Variants in AGMO observed in about 807,000 individuals in gnomAD.
AGMO encodes glyceryl-ether monooxygenase.
Under a neutral mutation model 60.2 loss-of-function variants are expected in AGMO, and 75 were observed. The ratio of observed to expected loss-of-function variants is 1.25; its 90% CI spans 1.03 to 1.51. The LOEUF is 1.51. Among genes scored for constraint, AGMO ranks in the 40% most tolerant of loss-of-function variants. The pLI, the probability that AGMO is intolerant of heterozygous loss-of-function variation, is 0.00. For missense variants in AGMO, 763 were observed against 525.5 expected (o/e 1.45, Z -4.42); for synonymous variants, 261 against 177.1 (o/e 1.47, Z -3.76).
chr7:15,349,013 T>C (rs1032761404), intron 12 of AGMO, among the ~76,000 whole-genome samples: 1 of 151,916 alleles, frequency 6.6e-6, no homozygotes, highest in African/African-American at 2.4e-5. Context: ...GTGATTCACA[T>C]TGTGACTTAT....
chr7:15,280,102 G>A (rs866009629), intron 12 of AGMO, among the ~76,000 whole-genome samples: 1 of 152,138 alleles, frequency 6.6e-6, no homozygotes, highest in Admixed American at 6.5e-5. Flanking sequence ...CTGTAGCCAC[G>A]AGCACAGAAA....
At chr7:15,205,090 C>T (rs976506769) in intron 12 of AGMO, among the ~76,000 whole-genome samples, 1 of 152,154 alleles carries the variant, frequency 6.6e-6, no homozygotes, top group Non-Finnish European at 1.5e-5. Context: ...TTGTTGCATG[C>T]TCTCAAATTG....
Position 15,248,197 on chromosome 7 carries a change from T to C in AGMO, c.1264-46838A>G, listed in dbSNP as rs1288069637. 4.4e-3 allele frequency among the ~76,000 whole-genome samples: 361 copies of C among 82,588 alleles called. 12 individuals carry two copies. Among genetic ancestry groups the C allele is most frequent in the African/African-American group, 0.016 (307 of 19,286 alleles). 54.2% of individuals were successfully genotyped at this position (82,588 alleles called of 152,430 possible). The stretch of plus-strand genomic sequence containing the variant: ...CCAGCACCATATATATATATATATA[T>C]ATATATATATATATATATATATATA... On this transcript the variant is annotated intron_variant, in intron 12 of 12. Transcript: ENST00000342526.
chr7:15,442,522 C>G (rs1476917384), intron 3 of AGMO, among the ~76,000 whole-genome samples: 1 of 152,128 alleles, frequency 6.6e-6, no homozygotes, highest in Non-Finnish European at 1.5e-5. Context: ...AACCTTGACC[C>G]TTGAATGACA....
At chr7:15,145,353 G>A in the AGMO span, among the ~76,000 whole-genome samples, 155 of 152,016 alleles carry the variant, frequency 1.0e-3, no homozygotes, top group Non-Finnish European at 1.9e-3. Context: ...GTTATTTAAA[G>A]ATATTTAAAA....
In AGMO at chr7:15,465,649, T is replaced by C. The variant is rs184403734; in HGVS notation, c.410-34541A>G. 3.7e-4 allele frequency among the ~76,000 whole-genome samples: 56 copies of C among 150,322 alleles called. No individual in the cohort carries two copies. The East Asian group carries it at 7.7e-3, about 21-fold the overall frequency. ...TTTTTAGAGACAGGGTTTCCCTATA[T>C]TGCCCAGGCTGCTCCAAAACTCCTG... On this transcript the variant is annotated intron_variant, in intron 3 of 12. Coordinates refer to ENST00000342526, the MANE Select transcript of AGMO (RefSeq NM_001004320.2).
intron 3 of AGMO, among the ~76,000 whole-genome samples, chr7:15,488,388 A>G (rs1387459211): frequency 4.6e-5 from 7 of 152,220 alleles, no homozygotes; most frequent in Non-Finnish European, 8.8e-5. Context: ...TTTGTCTTTC[A>G]GAGAAACACA....
chr7:15,457,996 A>C (rs919120916), intron 3 of AGMO, among the ~76,000 whole-genome samples: 1 of 152,314 alleles, frequency 6.6e-6, no homozygotes, highest in Admixed American at 6.5e-5. Flanking sequence ...TAGGAAGCAA[A>C]AAAGAGATTA....
chr7:15,158,538 C>T, the AGMO span, among the ~76,000 whole-genome samples: 1 of 152,142 alleles, frequency 6.6e-6, no homozygotes, highest in African/African-American at 2.4e-5. Context: ...TTGTTTTTTC[C>T]CATGCATGAG....
At chr7:15,406,692 GGAATATACA>G (rs1784707319) in intron 5 of AGMO, among the ~76,000 whole-genome samples, 16 of 61,858 alleles carry the variant, frequency 2.6e-4, no homozygotes, top group African/African-American at 3.6e-4. Flanking sequence ...GTATATATAT[GGAATATACA>G]TATATATGTG....
chr7:15,284,202 G>A (rs543328626), intron 12 of AGMO, among the ~76,000 whole-genome samples: 3 of 151,762 alleles, frequency 2.0e-5, no homozygotes, highest in Non-Finnish European at 1.5e-5. Flanking sequence ...CAAACCCAAA[G>A]CTAGCACAAG....
chr7:15,386,388 A>G (rs976463056), intron 9 of AGMO, among the ~76,000 whole-genome samples: 2 of 152,180 alleles, frequency 1.3e-5, no homozygotes, highest in Non-Finnish European at 2.9e-5. Flanking sequence ...TCCAGCACTC[A>G]CATAACTTTA....
At chr7:15,394,234 G>C in intron 5 of AGMO, 55 bp from the exon 6 acceptor site, 3 of 1,229,158 alleles carry the variant, frequency 2.4e-6, no homozygotes, top group South Asian at 1.3e-5. Context: ...ATGTGTGTTA[G>C]TATATAAATG....
rs375461225 is a variant in AGMO at position 15,229,727 on chromosome 7, A to AT, written c.1264-28369_1264-28368insA. Among the ~76,000 whole-genome samples, 1,356 of 146,352 alleles carry AT rather than the reference A, an allele frequency of 9.3e-3. 22 individuals carry two copies. The highest frequency in any genetic ancestry group is 0.032 in the African/African-American group (1,286 of 40,240). On this transcript the variant is annotated intron_variant, in intron 12 of 12. Coordinates refer to ENST00000342526, the MANE Select transcript of AGMO (RefSeq NM_001004320.2). Reference sequence around the variant, plus strand: ...TTATATATATATTATATTATATATAAATTATATATTATAATATATATAAAT... The same window carrying AT: ...TTATATATATATTATATTATATATAATATTATATATTATAATATATATAAAT...
At chr7:15,431,207 C>A (rs1390533905) in intron 3 of AGMO, 99 bp from the exon 4 acceptor site, 6 of 774,554 alleles carry the variant, frequency 7.7e-6, no homozygotes, top group African/African-American at 7.2e-5. Context: ...GAAGAAAAAT[C>A]TGGAACATCT....
chr7:15,276,452 G>C (rs529927504), intron 12 of AGMO, among the ~76,000 whole-genome samples: 1 of 152,054 alleles, frequency 6.6e-6, no homozygotes, highest in African/African-American at 2.4e-5. Context: ...TTTCTCTCTA[G>C]CTGCTTTTAA....
At chr7:15,391,316 T>C (rs866872634) in intron 6 of AGMO, among the ~76,000 whole-genome samples, 57 of 152,258 alleles carry the variant, frequency 3.7e-4, no homozygotes, top group African/African-American at 1.4e-3. Flanking sequence ...GTCTATCCTT[T>C]TTAACTGCAT....
At chr7:15,379,134 A>G (rs955247240) in intron 10 of AGMO, among the ~76,000 whole-genome samples, 1 of 152,122 alleles carries the variant, frequency 6.6e-6, no homozygotes, top group African/African-American at 2.4e-5. Flanking sequence ...TTAAGAGAGA[A>G]ATTTATAGCA....
chr7:15,155,100 T>C, the AGMO span, among the ~76,000 whole-genome samples: 4 of 152,136 alleles, frequency 2.6e-5, no homozygotes, highest in Non-Finnish European at 5.9e-5. Flanking sequence ...TTGTATTGCA[T>C]ATTGAAAAGG....
Sources: allele counts gnomAD v4.1 joint callset (sites outside exome capture counted in the v4.1 genomes callset), GRCh38; gene constraint gnomAD v4.1.1; transcripts MANE v1.5; gene names NCBI Gene and HGNC (gene_info 2026-07-23, HGNC 2026-07-21).